The following SORBS2 variants were observed in gnomAD, a reference collection of about 807,000 sequenced individuals.
SORBS2 encodes sorbin and SH3 domain containing 2.
SORBS2 carries 46 observed loss-of-function variants against 97.7 expected under a neutral mutation model. The ratio of observed to expected loss-of-function variants is 0.47; its 90% CI spans 0.37 to 0.60. SORBS2 has a LOEUF of 0.60. Among genes scored for constraint, SORBS2 ranks in the 20% least tolerant of loss-of-function variants. The probability of loss-of-function intolerance (pLI) is 0.00; values close to 1 mark genes in which losing one functional copy is unlikely to be tolerated. For missense variants in SORBS2, 1,316 were observed against 1,282.3 expected (o/e 1.03, Z -0.40); for synonymous variants, 476 against 473.4 (o/e 1.01, Z -0.07).
At chr4:185,879,173 C>G (rs1324485466) in intron 1 of SORBS2, among the ~76,000 whole-genome samples, 1 of 109,078 alleles carries the variant, frequency 9.2e-6, no homozygotes, top group Admixed American at 8.3e-5. Context: ...CCTCCCCCCC[C>G]CCCACCCCAC....
At chr4:185,657,408 C>G, upstream of SORBS2, 1 of 1,524,338 alleles carries the variant, frequency 6.6e-7, no homozygotes, top group Non-Finnish European at 8.8e-7. Flanking sequence ...CAGACGCACA[C>G]GCTGGCATTT....
intron 1 of SORBS2, among the ~76,000 whole-genome samples, chr4:185,927,127 A>G (rs953294099): frequency 1.4e-4 from 21 of 149,208 alleles, no homozygotes; most frequent in African/African-American, 4.1e-4. Context: ...ATATGTATAT[A>G]AAATATATTC....
At chr4:185,613,152 T>C (rs114220378) in intron 11 of SORBS2, among the ~76,000 whole-genome samples, 2,318 of 152,220 alleles carry the variant, frequency 0.015, 23 homozygotes, top group Non-Finnish European at 0.022. Flanking sequence ...ATTCAGCAGG[T>C]GATACAGAAG....
chr4:185,829,747 C>T (rs972614402), intron 1 of SORBS2, among the ~76,000 whole-genome samples: 2 of 152,230 alleles, frequency 1.3e-5, no homozygotes, highest in African/African-American at 4.8e-5. Flanking sequence ...CAAGCTAAAA[C>T]ATCCATGAAA....
intron 1 of SORBS2, among the ~76,000 whole-genome samples, chr4:185,883,893 C>T (rs901327810): frequency 6.6e-6 from 1 of 152,126 alleles, no homozygotes; most frequent in African/African-American, 2.4e-5. Flanking sequence ...CACACAATAT[C>T]GTGGAGGACT....
chr4:185,861,944 G>GATACT (rs2099224044), intron 1 of SORBS2, among the ~76,000 whole-genome samples: 1 of 152,138 alleles, frequency 6.6e-6, no homozygotes, highest in East Asian at 1.9e-4. Context: ...GTGGATACTT[G>GATACT]ATACTAGGGG....
intron 4 of SORBS2, among the ~76,000 whole-genome samples, chr4:185,671,679 T>C (rs1420114329): frequency 6.6e-6 from 1 of 152,172 alleles, no homozygotes; most frequent in African/African-American, 2.4e-5. Context: ...AAGAGAAGGA[T>C]CACGTGAACA....
intron 1 of SORBS2, among the ~76,000 whole-genome samples, chr4:185,836,699 C>G (rs1007611034): frequency 1.3e-5 from 2 of 152,174 alleles, no homozygotes; most frequent in African/African-American, 4.8e-5. Context: ...GGCACCAGAG[C>G]TTGACACTAC....
chr4:185,682,260 C>A (rs993879719), intron 2 of SORBS2, among the ~76,000 whole-genome samples: 1 of 152,146 alleles, frequency 6.6e-6, no homozygotes, highest in Admixed American at 6.5e-5. Flanking sequence ...ATCGACAAGA[C>A]CCTGTCTCTT....
At chr4:185,821,239 C>T (rs1478999033) in intron 1 of SORBS2, among the ~76,000 whole-genome samples, 1 of 152,126 alleles carries the variant, frequency 6.6e-6, no homozygotes, top group Non-Finnish European at 1.5e-5. Context: ...GACAGGACTT[C>T]CAGGTGGAGG....
intron 1 of SORBS2, among the ~76,000 whole-genome samples, chr4:185,821,772 T>C (rs571768708): frequency 1.3e-5 from 2 of 152,342 alleles, no homozygotes; most frequent in South Asian, 4.1e-4. Flanking sequence ...TCTTGCATTT[T>C]AGAATAGGAG....
intron 2 of SORBS2, among the ~76,000 whole-genome samples, chr4:185,691,259 G>C (rs1158639989): frequency 6.6e-6 from 1 of 151,684 alleles, no homozygotes; most frequent in Admixed American, 6.6e-5. Flanking sequence ...AGTGCAGTTG[G>C]TGTGATTGTA....
At chr4:185,839,281 A>G (rs1333328697) in intron 1 of SORBS2, among the ~76,000 whole-genome samples, 1 of 152,222 alleles carries the variant, frequency 6.6e-6, no homozygotes, top group Non-Finnish European at 1.5e-5. Context: ...TGGAGCAGAG[A>G]AAGAGGGCAT....
intron 1 of SORBS2, among the ~76,000 whole-genome samples, chr4:185,786,164 T>C (rs1375994411): frequency 6.6e-6 from 1 of 152,212 alleles, no homozygotes; most frequent in East Asian, 1.9e-4. Flanking sequence ...TTTTTTCTAT[T>C]TTAATTTTAA....
chr4:185,698,611 A>T (rs528210517), intron 2 of SORBS2, among the ~76,000 whole-genome samples: 1 of 152,358 alleles, frequency 6.6e-6, no homozygotes, highest in South Asian at 2.1e-4. Flanking sequence ...CATATGAGGC[A>T]GGGGTTAGGG....
chr4:185,944,556 T>G (rs1166354649), intron 1 of SORBS2, among the ~76,000 whole-genome samples: 1 of 152,238 alleles, frequency 6.6e-6, no homozygotes, highest in African/African-American at 2.4e-5. Flanking sequence ...GCCCTTTTGA[T>G]GCATTGACAC....
intron 4 of SORBS2, among the ~76,000 whole-genome samples, chr4:185,670,133 T>G (rs1354589966): frequency 3.3e-5 from 5 of 151,944 alleles, no homozygotes; most frequent in Admixed American, 3.3e-4. Flanking sequence ...GCAGGAGAAT[T>G]GCTTGAACCT....
At chr4:185,915,484 C>A (rs1031177925) in intron 1 of SORBS2, among the ~76,000 whole-genome samples, 1 of 152,162 alleles carries the variant, frequency 6.6e-6, no homozygotes, top group South Asian at 2.1e-4. Context: ...ACGAGGGTAG[C>A]CTGGGGAGGA....
At chr4:185,753,536 A>G (rs924522890) in intron 2 of SORBS2, among the ~76,000 whole-genome samples, 3 of 152,218 alleles carry the variant, frequency 2.0e-5, no homozygotes, top group South Asian at 2.1e-4. Flanking sequence ...GTCTATTTTT[A>G]TAGATTATAA....
Sources: gnomAD v4.1 joint callset for allele counts (sites outside exome capture counted in the v4.1 genomes callset) on GRCh38, gnomAD v4.1.1 for gene constraint, MANE v1.5 for transcripts, NCBI Gene and HGNC (gene_info 2026-07-23, HGNC 2026-07-21) for gene names.